Variants in STRIP2 observed in about 807,000 individuals in gnomAD.
STRIP2 encodes striatin interacting protein 2, also known as striatin-interacting protein 2.
A neutral mutation model predicts 107.1 loss-of-function variants in STRIP2; 84 were observed. The observed-to-expected ratio is 0.78, with a 90% CI of 0.66 to 0.94. STRIP2 has a LOEUF of 0.94. Among genes scored for constraint, STRIP2 ranks in the 40% least tolerant of loss-of-function variants. The probability of loss-of-function intolerance (pLI) is 0.00; values close to 1 mark genes in which losing one functional copy is unlikely to be tolerated. For missense variants in STRIP2, 888 were observed against 1,034.2 expected (o/e 0.86, Z 1.94); for synonymous variants, 394 against 400.4 (o/e 0.98, Z 0.19).
Position 129,434,499 on chromosome 7 carries a change from C to T in STRIP2, c.27C>T (p.Thr9=), listed in dbSNP as rs748125456. 5.3e-6 allele frequency: 8 copies of T among 1,516,720 alleles called. No individual in the cohort carries two copies. The highest frequency in any genetic ancestry group is 1.2e-5 in the South Asian group (1 of 82,010). The allele number at this position is 1,516,720 out of a possible 1,614,324, so 94.0% of individuals were successfully genotyped here. A position where few individuals can be genotyped will look rare whatever the true frequency, so the allele number is the denominator to read the frequency against. The change falls in exon 1 of 21, where the codon ACC becomes ACT. Residue 9 remains threonine (T), a synonymous_variant. Coordinates refer to ENST00000249344, the MANE Select transcript of STRIP2 (RefSeq NM_020704.3). ...TGGAGGACCCCGCCGCGCCTGGGAC[C>T]GGGGGCCCGCCCGCAAATGGCAATG... The part of the protein sequence containing the change: MEDPAAPG[T]GGPPANGNGN...
Position 129,444,073 on chromosome 7 carries a change from C to A in STRIP2, c.249C>A (p.Cys83Ter). Residue 83 changes from cysteine to a stop codon, truncating the protein, a stop_gained, in exon 3 of 21, where the codon TGC (cysteine) becomes TGA (stop). Coordinates refer to ENST00000249344, the MANE Select transcript of STRIP2 (RefSeq NM_020704.3). LOFTEE classifies it high-confidence loss of function. ...TGGAATTCACCAATAACAGGAGGTGCTTTGAAGAAGATTTCAAGACTCAAG... is the reference window on the plus strand; with the variant it reads ...TGGAATTCACCAATAACAGGAGGTGATTTGAAGAAGATTTCAAGACTCAAG... ...ENLEFTNNRR[C>*]FEEDFKTQVQ... The A allele has an allele frequency of 6.2e-7, 1 of 1,613,590 alleles. No homozygotes were observed. The highest frequency in any genetic ancestry group is 1.1e-5 in the South Asian group (1 of 91,036).
chr7:129,485,472 A>AT, intron 20 of STRIP2, 107 bp from the exon 21 acceptor site: 16 of 1,255,178 alleles, frequency 1.3e-5, no homozygotes, highest in Non-Finnish European at 1.6e-5. Flanking sequence ...AAAAAAAAAA[A>AT]GAATTTCTGA....
chr7:129,463,183 A>G, intron 14 of STRIP2, 143 bp downstream of exon 14: 1 of 636,204 alleles, frequency 1.6e-6, no homozygotes. Context: ...GACACATGCA[A>G]ATTCTGAGCT....
intron 3 of STRIP2, among the ~76,000 whole-genome samples, chr7:129,450,395 T>TTC (rs1798150899): frequency 6.6e-6 from 1 of 152,200 alleles, no homozygotes; most frequent in Non-Finnish European, 1.5e-5. Flanking sequence ...CATGAGAAGC[T>TTC]GGTGCTGTGC....
rs201450474 is a variant in STRIP2, at chr7:129,464,017, T to G, written c.1552-27T>G. On this transcript the variant is annotated intron_variant, in intron 14 of 20. Coordinates refer to ENST00000249344, the MANE Select transcript of STRIP2 (RefSeq NM_020704.3). Reference sequence around the variant, plus strand: ...CCTTGCTGAGTGGGTTTGACAGTGGTAAATTTCTTTATTTTCTACTTCTCA... The same window carrying G: ...CCTTGCTGAGTGGGTTTGACAGTGGGAAATTTCTTTATTTTCTACTTCTCA... 12 of 1,591,814 alleles carry G rather than the reference T, an allele frequency of 7.5e-6. No homozygotes were observed. In the African/African-American group the frequency reaches 1.6e-4, roughly 21 times the overall value.
chr7:129,447,804 AT>A (rs1260636027), intron 3 of STRIP2, among the ~76,000 whole-genome samples: 14 of 152,212 alleles, frequency 9.2e-5, no homozygotes, highest in Non-Finnish European at 2.9e-5. Flanking sequence ...AGCAGCTGCA[AT>A]TGGAGTCACC....
chr7:129,441,767 A>C (rs924493839), intron 2 of STRIP2, among the ~76,000 whole-genome samples: 1 of 151,604 alleles, frequency 6.6e-6, no homozygotes, highest in Non-Finnish European at 1.5e-5. Context: ...ATTTTGTGCC[A>C]CCATGTCCAG....
chr7:129,481,022 C>G, intron 19 of STRIP2, 133 bp downstream of exon 19: 1 of 624,980 alleles, frequency 1.6e-6, no homozygotes. Context: ...GATTTAGCAC[C>G]TCATAATTCT....
chr7:129,458,553 C>A lies in STRIP2; in HGVS notation c.1274+103C>A. 8.1e-7 allele frequency: 1 copy of A among 1,240,380 alleles called. No homozygotes were observed. The highest frequency in any genetic ancestry group is 1.1e-6 in the Non-Finnish European group (1 of 889,838). The allele number at this position is 1,240,380 out of a possible 1,614,324, so 76.8% of individuals were successfully genotyped here. ...TTCAAGGCTCGTTAAGTTGGTCTGG[C>A]AGTCAGAACTCCTGGGTTTGAAATT... On this transcript the variant is annotated intron_variant, in intron 10 of 20. Coordinates refer to ENST00000249344, the MANE Select transcript of STRIP2 (RefSeq NM_020704.3). The surrounding 1 kb of genome is among the most constrained non-coding windows in gnomAD (Gnocchi z 4.6).
intron 14 of STRIP2, among the ~76,000 whole-genome samples, chr7:129,463,679 G>T (rs1032344260): frequency 1.3e-5 from 2 of 152,154 alleles, no homozygotes; most frequent in Non-Finnish European, 2.9e-5. Context: ...ATTTTTAGTA[G>T]AGATGGAGTT....
At chr7:129,442,213 A>G (rs1797919713) in intron 2 of STRIP2, among the ~76,000 whole-genome samples, 1 of 152,224 alleles carries the variant, frequency 6.6e-6, no homozygotes, top group South Asian at 2.1e-4. Context: ...TGACAAAGTG[A>G]GACTCCATCT....
rs1234792888 is a variant in STRIP2, at chr7:129,486,559, TA to T, written c.*732del. The T allele has an allele frequency of 1.3e-5, 2 of 152,240 alleles. No individual in the cohort carries two copies. The highest frequency in any genetic ancestry group is 4.8e-5 in the African/African-American group (2 of 41,458). The allele number at this position is 152,240 out of a possible 1,614,324, so 9.4% of individuals were successfully genotyped here. On this transcript the variant is annotated 3_prime_UTR_variant, in exon 21 of 21. Coordinates refer to ENST00000249344, the MANE Select transcript of STRIP2 (RefSeq NM_020704.3). ...CAATATGAAATAATTAGGTCCTCTC[TA>T]AGGATGTTTCATGTTTTTCTTAAAT... is the stretch of plus-strand genomic sequence containing the variant.
rs544710230 is a variant in STRIP2, at chr7:129,451,186, G to A, written c.275-427G>A. ...AATCTCCTGACCTCGTGATCCGCCC[G>A]CCTCGGCCTCCCAAAGTGCTGGGAT... On this transcript the variant is annotated intron_variant, in intron 3 of 20. Coordinates refer to ENST00000249344, the MANE Select transcript of STRIP2 (RefSeq NM_020704.3). Among the ~76,000 whole-genome samples, 355 of 152,068 alleles carry A rather than the reference G, an allele frequency of 2.3e-3. 1 individual carries two copies. The highest frequency in any genetic ancestry group is 7.7e-3 in the African/African-American group (318 of 41,488).
rs1348445575 is a variant in STRIP2, at chr7:129,486,383, A to G, written c.*554A>G. 1 of 159,594 alleles carries G rather than the reference A, an allele frequency of 6.3e-6. No individual in the cohort carries two copies. The highest frequency in any genetic ancestry group is 1.4e-5 in the Non-Finnish European group (1 of 71,680). The allele number at this position is 159,594 out of a possible 1,614,324, so 9.9% of individuals were successfully genotyped here. ...TCTTTGTGAAGGATGATGATTTACTATTCCCTCAATACTGCATGTTATCGA... is the reference window on the plus strand; with the variant it reads ...TCTTTGTGAAGGATGATGATTTACTGTTCCCTCAATACTGCATGTTATCGA... On this transcript the variant is annotated 3_prime_UTR_variant, in exon 21 of 21. Transcript: ENST00000249344.
In STRIP2 at chr7:129,457,938, A is replaced by G. The variant is rs906041256; in HGVS notation, c.1039-277A>G. ...TTAGGAAGGAAAGTGCTGGCAAAAA[A>G]AGGCATCACTGCTTTCTGAAAGCTA... On this transcript the variant is annotated intron_variant, in intron 9 of 20. Transcript: ENST00000249344. The G allele has an allele frequency of 5.6e-5, 25 of 444,650 alleles. No individual in the cohort carries two copies. The Admixed American group carries it at 8.6e-4, about 15-fold the overall frequency. 27.5% of individuals were successfully genotyped at this position (444,650 alleles called of 1,614,324 possible). A position where few individuals can be genotyped will look rare whatever the true frequency, so the allele number is the denominator to read the frequency against.
intron 18 of STRIP2, among the ~76,000 whole-genome samples, chr7:129,477,223 T>C (rs1254188154): frequency 6.3e-5 from 2 of 31,752 alleles, no homozygotes; most frequent in East Asian, 2.2e-3. Flanking sequence ...GGAGGGAGAC[T>C]GTGGGGAGAG....
intron 19 of STRIP2, among the ~76,000 whole-genome samples, chr7:129,482,187 A>T (rs1428583244): frequency 6.6e-6 from 1 of 151,958 alleles, no homozygotes; most frequent in Non-Finnish European, 1.5e-5. Context: ...AAAGTAATAT[A>T]TGCATACATA....
At chr7:129,469,600 G>T (rs190060384) in intron 17 of STRIP2, among the ~76,000 whole-genome samples, 1 of 152,314 alleles carries the variant, frequency 6.6e-6, no homozygotes, top group African/African-American at 2.4e-5. Context: ...ATCCAATAGA[G>T]TGAATCAAGA....
At chr7:129,456,731 G>C in intron 9 of STRIP2, 89 bp downstream of exon 9, 1 of 1,263,056 alleles carries the variant, frequency 7.9e-7, no homozygotes, top group South Asian at 1.4e-5. Flanking sequence ...GGAAAAAGCA[G>C]TAAATGACCC....
Sources: allele counts gnomAD v4.1 joint callset (sites outside exome capture counted in the v4.1 genomes callset), GRCh38; gene constraint gnomAD v4.1.1; non-coding constraint Gnocchi (gnomAD v3.1); transcripts MANE v1.5; gene names NCBI Gene and HGNC (gene_info 2026-07-23, HGNC 2026-07-21).